DNA2: variants seen among roughly 807,000 people sequenced by gnomAD.
The protein encoded by DNA2 is DNA replication ATP-dependent helicase/nuclease DNA2.
A neutral mutation model predicts 119.1 loss-of-function variants in DNA2; 101 were observed. The observed-to-expected ratio is 0.85, with a 90% CI of 0.72 to 1.00. The LOEUF (loss-of-function observed/expected upper bound fraction) is 1.00. DNA2 is among the 50% of genes least tolerant of loss of function. The probability of loss-of-function intolerance (pLI) is 0.00; values close to 1 mark genes in which losing one functional copy is unlikely to be tolerated. For synonymous variants in DNA2, 366 were observed against 424.4 expected (o/e 0.86, Z 1.69); for missense variants, 1,121 against 1,255.5 (o/e 0.89, Z 1.62).
intron 3 of DNA2, among the ~76,000 whole-genome samples, chr10:68,467,144 C>A (rs1486066571): frequency 6.6e-6 from 1 of 151,920 alleles, no homozygotes; most frequent in African/African-American, 2.4e-5. Flanking sequence ...GACGGAGTCT[C>A]CCTCTATCTC....
chr10:68,432,462 T>C lies in DNA2; in HGVS notation c.1695A>G (p.Glu565=). ...PESTLFRLDQ[E]EKNCDIDTPL... The stretch of plus-strand genomic sequence containing the variant: ...GGGTATCTATATCACAATTTTTTTC[T>C]TCTTGGTCTAATCTGAACAAAGTTG... Residue 565 remains glutamate, a synonymous_variant, in exon 11 of 21, where the codon GAA becomes GAG. Transcript: ENST00000358410. 6.3e-7 allele frequency: 1 copy of C among 1,584,834 alleles called. No homozygotes were observed. Among genetic ancestry groups the C allele is most frequent in the Non-Finnish European group, 8.6e-7 (1 of 1,165,814 alleles).
intron 5 of DNA2, among the ~76,000 whole-genome samples, chr10:68,455,995 A>G (rs2052177646): frequency 6.6e-6 from 1 of 152,106 alleles, no homozygotes; most frequent in African/African-American, 2.4e-5. Flanking sequence ...AGGCAGGAGG[A>G]TCATTTGAGT....
rs1200125289 is a variant in DNA2 at position 68,465,143 on chromosome 10, C to T, written c.587+524G>A. Among the ~76,000 whole-genome samples the T allele has an allele frequency of 3.3e-5, 5 of 151,746 alleles. No homozygotes were observed. In the East Asian group the frequency reaches 5.9e-4, roughly 18 times the overall value. On this transcript the variant is annotated intron_variant, in intron 4 of 20. Coordinates refer to ENST00000358410, the MANE Select transcript of DNA2 (RefSeq NM_001080449.3). ...ACACCATTCTCCTGCCTCAGCCTTC[C>T]GAGTAGCTGGGACTACAGGCGCCTG...
chr10:68,463,780 T>C (rs535502429), intron 4 of DNA2, among the ~76,000 whole-genome samples: 2 of 152,252 alleles, frequency 1.3e-5, no homozygotes, highest in East Asian at 1.9e-4. Flanking sequence ...ATTTACCATA[T>C]AACTGTGCAA....
intron 6 of DNA2, among the ~76,000 whole-genome samples, 175 bp downstream of exon 6, chr10:68,449,853 C>T (rs1295147457): frequency 6.6e-6 from 1 of 151,344 alleles, no homozygotes; most frequent in Non-Finnish European, 1.5e-5. Context: ...GCAGAGATTA[C>T]AATGAGCTGA....
At chr10:68,425,845 A>C (rs961122909) in intron 14 of DNA2, among the ~76,000 whole-genome samples, 2 of 151,926 alleles carry the variant, frequency 1.3e-5, no homozygotes, top group Non-Finnish European at 2.9e-5. Flanking sequence ...CCCAAAAAAC[A>C]AATACCAGGC....
At chr10:68,440,472 T>C (rs2133393573) in intron 9 of DNA2, among the ~76,000 whole-genome samples, 1 of 152,014 alleles carries the variant, frequency 6.6e-6, no homozygotes, top group South Asian at 2.1e-4. Context: ...TAATATTTTG[T>C]ATTTTTAGTA....
At chr10:68,434,148 G>C (rs1257225847) in intron 10 of DNA2, among the ~76,000 whole-genome samples, 3 of 151,998 alleles carry the variant, frequency 2.0e-5, no homozygotes, top group Non-Finnish European at 2.9e-5. Context: ...GGTGGCACAC[G>C]CCTATAATCC....
intron 8 of DNA2, among the ~76,000 whole-genome samples, chr10:68,444,237 A>T (rs1448457210): frequency 6.6e-6 from 1 of 151,822 alleles, no homozygotes. Context: ...TAAAAATACA[A>T]AAATTAGCTG....
Position 68,471,961 on chromosome 10 carries a change from A to T in DNA2, c.-97T>A, listed in dbSNP as rs1449701672. On this transcript the variant is annotated 5_prime_UTR_variant, in exon 1 of 21. Coordinates refer to ENST00000358410, the MANE Select transcript of DNA2 (RefSeq NM_001080449.3). ...AAGGGAAAAAGGCGCGAGCCTGCGC[A>T]CCTCGCGCGCATGCGCCAACCCGCA... 1 of 1,612,502 alleles carries T rather than the reference A, an allele frequency of 6.2e-7. No individual in the cohort carries two copies. The highest frequency in any genetic ancestry group is 8.5e-7 in the Non-Finnish European group (1 of 1,178,904).
chr10:68,423,172 T>TTTTG (rs143774829), intron 14 of DNA2, among the ~76,000 whole-genome samples: 16 of 152,114 alleles, frequency 1.1e-4, no homozygotes, highest in South Asian at 4.1e-4. Context: ...TTAGTTCTTT[T>TTTTG]TTTGTTTGTT....
At chr10:68,441,486 C>T (rs1168029162) in intron 9 of DNA2, among the ~76,000 whole-genome samples, 2 of 151,656 alleles carry the variant, frequency 1.3e-5, no homozygotes, top group Non-Finnish European at 2.9e-5. Flanking sequence ...ATTTAAAATA[C>T]GAGTATTTAG....
intron 5 of DNA2, among the ~76,000 whole-genome samples, chr10:68,452,567 T>TA (rs980747572): frequency 4.1e-5 from 6 of 145,818 alleles, no homozygotes; most frequent in African/African-American, 1.7e-4. Context: ...GCAATGTGGC[T>TA]TTATTATTAT....
intron 4 of DNA2, among the ~76,000 whole-genome samples, chr10:68,461,921 C>T (rs1156333121): frequency 6.8e-6 from 1 of 147,414 alleles, no homozygotes; most frequent in Non-Finnish European, 1.5e-5. Context: ...GCCTGGGCAA[C>T]AGAGAGACAC....
intron 2 of DNA2, 66 bp downstream of exon 2, chr10:68,469,915 A>G: frequency 7.3e-7 from 1 of 1,370,482 alleles, no homozygotes; most frequent in Non-Finnish European, 9.9e-7. Flanking sequence ...CACAGAAGCC[A>G]TTTGATGAGT....
chr10:68,424,552 GC>G, intron 14 of DNA2: 2 of 836,012 alleles, frequency 2.4e-6, no homozygotes, highest in Non-Finnish European at 4.2e-6. Context: ...GCTAGCCGGA[GC>G]ATCACCATGA....
chr10:68,452,995 G>A (rs1447699710), intron 5 of DNA2, among the ~76,000 whole-genome samples: 1 of 151,662 alleles, frequency 6.6e-6, no homozygotes, highest in Non-Finnish European at 1.5e-5. Flanking sequence ...CCACCTCCCG[G>A]GTTCAAGCAA....
chr10:68,422,225 C>A lies in DNA2; in HGVS notation c.2697G>T (p.Lys899Asn). 1 of 1,544,152 alleles carries A rather than the reference C, an allele frequency of 6.5e-7. No homozygotes were observed. The highest frequency in any genetic ancestry group is 8.7e-7 in the Non-Finnish European group (1 of 1,150,722). The change falls in exon 17 of 21, where the codon AAG (lysine) becomes AAT (asparagine). Residue 899 changes from lysine (K) to asparagine (N), a missense_variant and splice_region_variant. Lys to Asn is a moderately conservative substitution (Grantham distance 94). Transcript: ENST00000358410. Reference sequence around the variant, plus strand: ...ACTAAACAGAAATTTTTTTTTTTACCTTGTCTGTATTAAGGAAACAAACAG... The same window carrying A: ...ACTAAACAGAAATTTTTTTTTTTACATTGTCTGTATTAAGGAAACAAACAG... ...NNPVCFLNTDKVPAPEQVEKG... is the reference protein window; with the variant it reads ...NNPVCFLNTDNVPAPEQVEKG...
chr10:68,424,755 C>G (rs2051714648), intron 14 of DNA2: 3 of 1,476,850 alleles, frequency 2.0e-6, no homozygotes, highest in Non-Finnish European at 2.8e-6. Context: ...CAAAGGTCAG[C>G]AAATTGGCAA....
Sources: gnomAD v4.1 joint callset for allele counts (sites outside exome capture counted in the v4.1 genomes callset) on GRCh38, gnomAD v4.1.1 for gene constraint, MANE v1.5 for transcripts, NCBI Gene and HGNC (gene_info 2026-07-23, HGNC 2026-07-21) for gene names.